Variants in TAOK1 observed in about 807,000 individuals in gnomAD.
TAOK1 encodes serine/threonine-protein kinase TAO1.
A neutral mutation model predicts 138.3 loss-of-function variants in TAOK1; 21 were observed. The observed-to-expected ratio is 0.15, with a 90% confidence interval of 0.11 to 0.22. TAOK1 has a LOEUF of 0.22. TAOK1 is among the 10% of genes least tolerant of loss of function. TAOK1 has a pLI of 1.00. For synonymous variants in TAOK1, 361 were observed against 398.4 expected (o/e 0.91, Z 1.12); for missense variants, 651 against 1,227.7 (o/e 0.53, Z 7.02).
intron 3 of TAOK1, among the ~76,000 whole-genome samples, chr17:29,467,581 A>G (rs2030702875): frequency 6.6e-6 from 1 of 151,888 alleles, no homozygotes; most frequent in African/African-American, 2.4e-5. Context: ...CAATATATAC[A>G]TTCTTATTGG....
chr17:29,441,612 T>C (rs1213778074), intron 1 of TAOK1, among the ~76,000 whole-genome samples: 2 of 152,062 alleles, frequency 1.3e-5, no homozygotes, highest in African/African-American at 4.8e-5. Flanking sequence ...TAGTAACATC[T>C]TTGCTTTGGC....
intron 1 of TAOK1, among the ~76,000 whole-genome samples, chr17:29,435,397 T>A (rs909419741): frequency 1.3e-5 from 2 of 152,234 alleles, no homozygotes; most frequent in African/African-American, 4.8e-5. Context: ...CCCTTAGCCC[T>A]ATACTTGACC....
At position 29,456,073 on chromosome 17, in the gene TAOK1, C is replaced by T. The variant is rs1041905827; in HGVS notation, c.132+4393C>T. 5.3e-5 allele frequency among the ~76,000 whole-genome samples: 8 copies of T among 150,154 alleles called. 2 individuals carry two copies. The highest frequency in any genetic ancestry group is 1.0e-4 in the African/African-American group (4 of 39,614). On this transcript the variant is annotated intron_variant, in intron 2 of 19. Coordinates refer to ENST00000261716, the MANE Select transcript of TAOK1 (RefSeq NM_020791.4). ...TCTTTAAATGTTTGGTAGGGCCGGG[C>T]GCGGTGGCTCATGCCTGTAATCCCA...
chr17:29,463,090 A>G (rs1012706022), intron 2 of TAOK1, among the ~76,000 whole-genome samples: 10 of 152,142 alleles, frequency 6.6e-5, no homozygotes, highest in Non-Finnish European at 1.5e-4. Context: ...TTAATATTCT[A>G]TCATGTCAAG....
intron 18 of TAOK1, among the ~76,000 whole-genome samples, chr17:29,533,245 C>T (rs1391365011): frequency 8.4e-5 from 11 of 131,024 alleles, no homozygotes; most frequent in African/African-American, 1.2e-4. Flanking sequence ...AGACGATGGG[C>T]GGCCGGGCAG....
chr17:29,402,624 G>A, intron 1 of TAOK1, among the ~76,000 whole-genome samples: 1 of 151,926 alleles, frequency 6.6e-6, no homozygotes, highest in Admixed American at 6.6e-5. Flanking sequence ...TTATTTGGAG[G>A]ATATTAAGAA....
chr17:29,502,560 A>G (rs1419158122), intron 12 of TAOK1, 29 bp from the exon 13 acceptor site: 14 of 1,591,200 alleles, frequency 8.8e-6, no homozygotes, highest in East Asian at 2.2e-5. Context: ...TTCACCTTAC[A>G]TAATATTGTC....
At chr17:29,517,199 A>C (rs1336711938) in intron 15 of TAOK1, among the ~76,000 whole-genome samples, 1 of 151,828 alleles carries the variant, frequency 6.6e-6, no homozygotes, top group Non-Finnish European at 1.5e-5. Flanking sequence ...CGTGTTAGCC[A>C]GGATGGTCTC....
intron 1 of TAOK1, among the ~76,000 whole-genome samples, chr17:29,412,353 A>G (rs1905167576): frequency 6.6e-6 from 1 of 151,780 alleles, no homozygotes; most frequent in African/African-American, 2.4e-5. Context: ...GATACAGCCT[A>G]TTTCTGATTA....
At chr17:29,465,513 A>T (rs908054256) in intron 2 of TAOK1, among the ~76,000 whole-genome samples, 1 of 151,442 alleles carries the variant, frequency 6.6e-6, no homozygotes, top group Non-Finnish European at 1.5e-5. Context: ...TCCTTTTTTT[A>T]AAAAAAAAGT....
rs1037152516 is a variant in TAOK1 at position 29,404,040 on chromosome 17, G to A, written c.-95+13016G>A. ...TGAATGTCTAGTTCTATAAAATAAT[G>A]CCATTAATCTTTAATCAAGAATAAA... On this transcript the variant is annotated intron_variant, in intron 1 of 19. Transcript: ENST00000261716. The A allele has an allele frequency of 5.9e-5, 9 of 152,202 alleles. No individual in the cohort carries two copies. In the East Asian group the frequency reaches 1.7e-3, roughly 29 times the overall value. The allele number at this position is 152,202 out of a possible 1,614,324, so 9.4% of individuals were successfully genotyped here.
chr17:29,525,094 TTTG>T (rs1219990322), intron 17 of TAOK1, among the ~76,000 whole-genome samples: 1 of 127,600 alleles, frequency 7.8e-6, no homozygotes, highest in Non-Finnish European at 1.9e-5. Flanking sequence ...TGGCACAATG[TTTG>T]TTTTTTTTGT....
At position 29,549,037 on chromosome 17, in the gene TAOK1, AT is replaced by A. The variant is rs2032448058; in HGVS notation, c.*6016del. On this transcript the variant is annotated 3_prime_UTR_variant, in exon 20 of 20. Coordinates refer to ENST00000261716, the MANE Select transcript of TAOK1 (RefSeq NM_020791.4). ...ATGTTTACAAAAGTGTGTTTTGTCT[AT>A]AAAGTGCAAGTGTTTTAATGTTTAT... 1 of 152,152 alleles carries A rather than the reference AT, an allele frequency of 6.6e-6. No individual in the cohort carries two copies. Among genetic ancestry groups the A allele is most frequent in the African/African-American group, 2.4e-5 (1 of 41,436 alleles). The allele number at this position is 152,152 out of a possible 1,614,324, so 9.4% of individuals were successfully genotyped here.
chr17:29,462,271 G>A (rs887469181), intron 2 of TAOK1, among the ~76,000 whole-genome samples: 7 of 152,204 alleles, frequency 4.6e-5, no homozygotes, highest in African/African-American at 1.7e-4. Context: ...GTACCGTAGT[G>A]AGTATTTGAA....
intron 17 of TAOK1, among the ~76,000 whole-genome samples, chr17:29,528,591 G>A (rs922031381): frequency 2.6e-5 from 4 of 152,004 alleles, no homozygotes; most frequent in African/African-American, 9.7e-5. Context: ...TGTAATCCCA[G>A]CACTTTGGGA....
At chr17:29,441,360 G>T (rs2029936468) in intron 1 of TAOK1, among the ~76,000 whole-genome samples, 1 of 152,148 alleles carries the variant, frequency 6.6e-6, no homozygotes, top group Non-Finnish European at 1.5e-5. Context: ...AATTGTAGAA[G>T]TCATGAGTGA....
At chr17:29,527,788 A>G (rs545929851) in intron 17 of TAOK1, among the ~76,000 whole-genome samples, 1 of 152,358 alleles carries the variant, frequency 6.6e-6, no homozygotes, top group East Asian at 1.9e-4. Flanking sequence ...TTGTAGGATC[A>G]ACTGGTACAC....
chr17:29,467,807 A>ATTTT (rs2153025738), intron 3 of TAOK1, among the ~76,000 whole-genome samples: 1 of 150,866 alleles, frequency 6.6e-6, no homozygotes, highest in African/African-American at 2.4e-5. Flanking sequence ...TTTTATTTTT[A>ATTTT]TTTATTTATT....
chr17:29,408,939 C>T (rs1157153877), intron 1 of TAOK1, among the ~76,000 whole-genome samples: 2 of 151,958 alleles, frequency 1.3e-5, no homozygotes, highest in African/African-American at 4.8e-5. Flanking sequence ...TCTCGAACTC[C>T]TGAACTCAGG....
Sources: gnomAD v4.1 joint callset for allele counts (sites outside exome capture counted in the v4.1 genomes callset) on GRCh38, gnomAD v4.1.1 for gene constraint, MANE v1.5 for transcripts, NCBI Gene and HGNC (gene_info 2026-07-23, HGNC 2026-07-21) for gene names.